Variants in SAXO1 observed in about 807,000 individuals in gnomAD.
The protein encoded by SAXO1 is 4930500O09Rik.
In SAXO1, 21 loss-of-function variants were observed where a neutral mutation model predicts 17.5. The ratio of observed to expected loss-of-function variants is 1.20; its 90% confidence interval spans 0.85 to 1.72. The LOEUF is 1.72. SAXO1 is among the 40% of genes most tolerant of loss of function. The pLI is 0.00. For synonymous variants in SAXO1, 274 were observed against 216.5 expected (o/e 1.27, Z -2.33); for missense variants, 843 against 596.0 (o/e 1.41, Z -4.32).
intron 1 of SAXO1, among the ~76,000 whole-genome samples, chr9:18,955,725 T>G (rs1832231650): frequency 6.6e-6 from 1 of 152,122 alleles, no homozygotes; most frequent in African/African-American, 2.4e-5. Flanking sequence ...CTTGGAACAC[T>G]AGCTGCAGCT....
chr9:18,979,095 T>C (rs952449571), intron 1 of SAXO1, among the ~76,000 whole-genome samples: 3 of 152,184 alleles, frequency 2.0e-5, no homozygotes, highest in Non-Finnish European at 4.4e-5. Flanking sequence ...TAGTACCTCA[T>C]TGAAAGCCAT....
At chr9:19,028,178 A>G (rs2131041313) in intron 1 of SAXO1, 3 of 1,345,170 alleles carry the variant, frequency 2.2e-6, no homozygotes, top group Middle Eastern at 2.6e-4. Context: ...AGTGCGCAAT[A>G]AAAGATGGTT....
At chr9:19,005,229 A>G (rs1352073947) in intron 1 of SAXO1, among the ~76,000 whole-genome samples, 2 of 152,206 alleles carry the variant, frequency 1.3e-5, no homozygotes, top group African/African-American at 2.4e-5. Flanking sequence ...TACAGATTCA[A>G]TCAAGCCCTA....
In SAXO1 at chr9:18,989,842, C is replaced by T. The variant is rs77315355; in HGVS notation, c.39-38905G>A. 3.9e-5 allele frequency among the ~76,000 whole-genome samples: 6 copies of T among 152,318 alleles called. No homozygotes were observed. The East Asian group carries it at 1.2e-3, about 29-fold the overall frequency. ...TTTACCTGTCCAAGAGGAACTTCAA[C>T]ATCATGAGTGAAGTGGCCAACATTT... On this transcript the variant is annotated intron_variant, in intron 1 of 3. Coordinates refer to ENST00000380534, the MANE Select transcript of SAXO1 (RefSeq NM_153707.4).
At chr9:18,943,498 C>T (rs1831665286) in intron 2 of SAXO1, among the ~76,000 whole-genome samples, 1 of 152,136 alleles carries the variant, frequency 6.6e-6, no homozygotes, top group Non-Finnish European at 1.5e-5. Context: ...GAGGGTAAGT[C>T]CTTAGGCTAC....
chr9:19,021,656 C>T (rs975474962), intron 1 of SAXO1, among the ~76,000 whole-genome samples: 5 of 152,214 alleles, frequency 3.3e-5, no homozygotes, highest in Non-Finnish European at 5.9e-5. Context: ...TCCAGGACTG[C>T]AATCCCAACA....
chr9:18,935,602 G>T (rs1434685195), intron 3 of SAXO1, among the ~76,000 whole-genome samples: 1 of 152,052 alleles, frequency 6.6e-6, no homozygotes, highest in African/African-American at 2.4e-5. Flanking sequence ...ACACAGTCTT[G>T]CCCATATGCA....
chr9:18,991,001 T>C (rs547661637), intron 1 of SAXO1, among the ~76,000 whole-genome samples: 1 of 152,274 alleles, frequency 6.6e-6, no homozygotes, highest in Admixed American at 6.5e-5. Context: ...CTCACATCTG[T>C]AATCTCAGCA....
chr9:19,010,731 A>T (rs1834697171), intron 1 of SAXO1, among the ~76,000 whole-genome samples: 1 of 152,202 alleles, frequency 6.6e-6, no homozygotes, highest in African/African-American at 2.4e-5. Context: ...TTATCAAAGA[A>T]ATCAAGAAGG....
At chr9:18,979,264 T>C (rs1162128526) in intron 1 of SAXO1, among the ~76,000 whole-genome samples, 1 of 152,190 alleles carries the variant, frequency 6.6e-6, no homozygotes, top group African/African-American at 2.4e-5. Flanking sequence ...TTGTTGAATA[T>C]ACTACTAAAA....
At chr9:18,978,443 C>T (rs1385354866) in intron 1 of SAXO1, among the ~76,000 whole-genome samples, 1 of 152,210 alleles carries the variant, frequency 6.6e-6, no homozygotes, top group East Asian at 1.9e-4. Context: ...AATAGCACAG[C>T]ACATCTGGCC....
chr9:19,033,060 C>T lies in SAXO1; in HGVS notation c.-152G>A. 1 of 750,092 alleles carries T rather than the reference C, an allele frequency of 1.3e-6. No individual in the cohort carries two copies. The highest frequency in any genetic ancestry group is 1.8e-5 in the African/African-American group (1 of 55,794). 46.5% of individuals were successfully genotyped at this position (750,092 alleles called of 1,614,324 possible). A position where few individuals can be genotyped will look rare whatever the true frequency, so the allele number is the denominator to read the frequency against. The stretch of plus-strand genomic sequence containing the variant: ...AAGGAAAATTTAAGTGGCCCTTTTG[C>T]AATGTCCTGTCGTCTGTTGCCCTCC... On this transcript the variant is annotated 5_prime_UTR_variant, in exon 1 of 4. Transcript: ENST00000380534.
At chr9:18,977,988 C>T (rs1394260902) in intron 1 of SAXO1, among the ~76,000 whole-genome samples, 1 of 103,732 alleles carries the variant, frequency 9.6e-6, no homozygotes, top group East Asian at 2.5e-4. Flanking sequence ...AGAATGAGAC[C>T]CTGCCAAAAA....
In SAXO1 at chr9:18,928,980, C is replaced by G; in HGVS notation, c.497G>C (p.Arg166Thr). ...LEHKYQPASV[R>T]FDNRTTHQDD... is the part of the protein sequence containing the mutation. ...CTGGTGTGTGGTTCTGTTATCAAAC[C>G]TGACTGATGCCGGCTGGTATTTGTG... Residue 166 changes from arginine (R) to threonine (T), a missense_variant, in exon 4 of 4, where the codon AGG becomes ACG. Arg to Thr is a moderately conservative substitution (Grantham distance 71, BLOSUM62 -1). Coordinates refer to ENST00000380534, the MANE Select transcript of SAXO1 (RefSeq NM_153707.4). The G allele has an allele frequency of 6.2e-7, 1 of 1,614,066 alleles. No individual in the cohort carries two copies. Among genetic ancestry groups the G allele is most frequent in the Non-Finnish European group, 8.5e-7 (1 of 1,180,030 alleles).
intron 1 of SAXO1, among the ~76,000 whole-genome samples, chr9:18,951,884 G>A (rs1476001852): frequency 6.6e-6 from 1 of 152,134 alleles, no homozygotes; most frequent in Non-Finnish European, 1.5e-5. Flanking sequence ...TTCAGTAAAT[G>A]TTTACTGCAT....
At chr9:18,930,868 T>C (rs1028737314) in intron 3 of SAXO1, among the ~76,000 whole-genome samples, 1 of 152,160 alleles carries the variant, frequency 6.6e-6, no homozygotes, top group African/African-American at 2.4e-5. Context: ...GGCCCATAAA[T>C]TACCAGATTT....
chr9:18,958,672 T>C (rs965173958), intron 1 of SAXO1, among the ~76,000 whole-genome samples: 2 of 151,898 alleles, frequency 1.3e-5, no homozygotes, highest in Admixed American at 6.6e-5. Context: ...CTAGATCAAT[T>C]AAGCCACGCC....
intron 1 of SAXO1, among the ~76,000 whole-genome samples, chr9:18,994,159 G>A (rs945023986): frequency 2.0e-5 from 3 of 152,206 alleles, no homozygotes; most frequent in Non-Finnish European, 4.4e-5. Context: ...TCAGACAGGT[G>A]TCAAGCAGTC....
chr9:19,009,277 G>C (rs977492182), intron 1 of SAXO1, among the ~76,000 whole-genome samples: 1 of 152,008 alleles, frequency 6.6e-6, no homozygotes. Context: ...GCAGAGCTAA[G>C]AAAGGTAAAA....
Sources: gnomAD v4.1 joint callset for allele counts (sites outside exome capture counted in the v4.1 genomes callset) on GRCh38, gnomAD v4.1.1 for gene constraint, MANE v1.5 for transcripts, NCBI Gene and HGNC (gene_info 2026-07-23, HGNC 2026-07-21) for gene names.